Variants in CSMD1 observed in about 807,000 individuals in gnomAD.
The protein encoded by CSMD1 is CUB and sushi domain-containing protein 1.
A neutral mutation model predicts 417.5 loss-of-function variants in CSMD1; 213 were observed. That is an observed-to-expected ratio of 0.51 (90% CI 0.46 to 0.57). The LOEUF (loss-of-function observed/expected upper bound fraction) is 0.57, where lower values mean the gene tolerates loss of function less well. Ranked by LOEUF, CSMD1 falls within the 20% of genes least tolerant of loss-of-function variation. The pLI, the probability that CSMD1 is intolerant of heterozygous loss-of-function variation, is 0.00. For missense variants in CSMD1, 6,923 were observed against 4,529.7 expected, an observed-to-expected ratio of 1.53 and a Z score of -15.17; for synonymous variants, 2,862 against 1,736.8, an observed-to-expected ratio of 1.65 and a Z score of -16.11.
At chr8:3,771,221 G>A (rs60992656) in intron 5 of CSMD1, among the ~76,000 whole-genome samples, 2,081 of 152,174 alleles carry the variant, frequency 0.014, 39 homozygotes, top group African/African-American at 0.048. Flanking sequence ...AGCTACTTTG[G>A]GGTTTTGAAA....
At chr8:4,433,618 A>T (rs1434033149) in intron 2 of CSMD1, among the ~76,000 whole-genome samples, 1 of 152,178 alleles carries the variant, frequency 6.6e-6, no homozygotes, top group Non-Finnish European at 1.5e-5. Context: ...AATTTGATAA[A>T]GCCAGTTTTC....
intron 1 of CSMD1, among the ~76,000 whole-genome samples, chr8:4,829,161 T>A (rs953019808): frequency 6.6e-6 from 1 of 152,204 alleles, no homozygotes; most frequent in Non-Finnish European, 1.5e-5. Flanking sequence ...CCTGTTGCAA[T>A]TCCACAGCCA....
intron 3 of CSMD1, among the ~76,000 whole-genome samples, chr8:4,356,679 C>G (rs903720693): frequency 1.3e-5 from 2 of 152,142 alleles, no homozygotes; most frequent in African/African-American, 2.4e-5. Context: ...GTGAGGGCTT[C>G]TTTCCATGTG....
intron 26 of CSMD1, among the ~76,000 whole-genome samples, chr8:3,274,122 G>C (rs1206049133): frequency 6.6e-6 from 1 of 151,856 alleles, no homozygotes; most frequent in African/African-American, 2.4e-5. Flanking sequence ...ACTCTGGTAT[G>C]TTGTGTCTTT....
At chr8:3,498,239 T>G (rs369139468) in intron 10 of CSMD1, among the ~76,000 whole-genome samples, 197 of 152,314 alleles carry the variant, frequency 1.3e-3, no homozygotes, top group African/African-American at 4.5e-3. Flanking sequence ...CTTCTCTTTG[T>G]CTTTGAAGTT....
chr8:3,943,547 C>CA (rs1447481070), intron 5 of CSMD1, among the ~76,000 whole-genome samples: 4 of 151,262 alleles, frequency 2.6e-5, no homozygotes, highest in African/African-American at 9.7e-5. Flanking sequence ...AAGAATCTCT[C>CA]AAAAAATATG....
In CSMD1 at chr8:3,374,438, T is replaced by C. The variant is rs778104738; in HGVS notation, c.2783-5068A>G. 3.3e-5 allele frequency among the ~76,000 whole-genome samples: 5 copies of C among 152,192 alleles called. No individual in the cohort carries two copies. The South Asian group carries it at 6.2e-4, about 19-fold the overall frequency. ...AGTCCCTGTTTTTCCAAAGTTTACA[T>C]TCTAATGGGGAAGGCAAATAACTTG... On this transcript the variant is annotated intron_variant, in intron 18 of 69. Coordinates refer to ENST00000635120, the MANE Select transcript of CSMD1 (RefSeq NM_033225.6).
intron 5 of CSMD1, among the ~76,000 whole-genome samples, chr8:3,968,711 G>T (rs1183289907): frequency 6.6e-6 from 1 of 152,128 alleles, no homozygotes; most frequent in Non-Finnish European, 1.5e-5. Context: ...CAGGGTCTGT[G>T]TATTATCTAA....
chr8:4,076,716 A>C (rs929507629), intron 3 of CSMD1, among the ~76,000 whole-genome samples: 1 of 152,126 alleles, frequency 6.6e-6, no homozygotes, highest in African/African-American at 2.4e-5. Flanking sequence ...ACTGCTACTC[A>C]TCTCTGGCTC....
At chr8:4,409,711 A>ATT (rs1796542100) in intron 3 of CSMD1, among the ~76,000 whole-genome samples, 2 of 151,686 alleles carry the variant, frequency 1.3e-5, no homozygotes, top group African/African-American at 4.8e-5. Context: ...GAGAAGGTGG[A>ATT]CACAGGCTTC....
At chr8:3,476,788 G>C (rs1027905313) in intron 11 of CSMD1, among the ~76,000 whole-genome samples, 3 of 151,736 alleles carry the variant, frequency 2.0e-5, no homozygotes, top group Admixed American at 1.3e-4. Context: ...CTTGGTGGCA[G>C]ACATCTGTAA....
chr8:4,735,822 T>C (rs943367105), intron 1 of CSMD1, among the ~76,000 whole-genome samples: 7 of 152,192 alleles, frequency 4.6e-5, no homozygotes, highest in Non-Finnish European at 8.8e-5. Context: ...TCTTCAATGG[T>C]GGTTCTGGAA....
intron 39 of CSMD1, among the ~76,000 whole-genome samples, chr8:3,155,568 C>T (rs1819476136): frequency 2.0e-5 from 3 of 151,282 alleles, no homozygotes; most frequent in Non-Finnish European, 2.9e-5. Flanking sequence ...GGGATTTTAC[C>T]GTGTTAGCCA....
At chr8:3,505,820 A>G (rs1796800124) in intron 10 of CSMD1, among the ~76,000 whole-genome samples, 1 of 152,194 alleles carries the variant, frequency 6.6e-6, no homozygotes, top group African/African-American at 2.4e-5. Context: ...TGTCTCAGGT[A>G]TCGTATCAAC....
chr8:3,857,127 A>G (rs953115141), intron 5 of CSMD1, among the ~76,000 whole-genome samples: 4 of 152,194 alleles, frequency 2.6e-5, no homozygotes, highest in African/African-American at 9.6e-5. Flanking sequence ...AGTAACTAAG[A>G]CAAAGTTGTC....
At chr8:4,428,316 T>A (rs1214549050) in intron 2 of CSMD1, among the ~76,000 whole-genome samples, 1 of 152,098 alleles carries the variant, frequency 6.6e-6, no homozygotes, top group Non-Finnish European at 1.5e-5. Context: ...ATCTAACGAG[T>A]CCCAACACCT....
In CSMD1 at chr8:3,391,063, G is replaced by C. The variant is rs531676089; in HGVS notation, c.2594-3381C>G. Among the ~76,000 whole-genome samples the C allele has an allele frequency of 1.6e-4, 24 of 152,292 alleles. 1 individual carries two copies. In the South Asian group the frequency reaches 4.4e-3, roughly 28 times the overall value. Reference sequence around the variant, plus strand: ...TGCATCCATGCGTGTGCCTGTGAGTGTTAGCATGCATGGGCATGTTATATA... The same window carrying C: ...TGCATCCATGCGTGTGCCTGTGAGTCTTAGCATGCATGGGCATGTTATATA... On this transcript the variant is annotated intron_variant, in intron 17 of 69. Transcript: ENST00000635120.
chr8:3,317,664 G>A (rs373228842), intron 23 of CSMD1, among the ~76,000 whole-genome samples: 1 of 152,168 alleles, frequency 6.6e-6, no homozygotes, highest in Non-Finnish European at 1.5e-5. Context: ...CCAGCCTACA[G>A]TTATCTGGTT....
chr8:3,251,693 T>C (rs1442708739), intron 26 of CSMD1, among the ~76,000 whole-genome samples: 4 of 152,222 alleles, frequency 2.6e-5, no homozygotes, highest in African/African-American at 9.6e-5. Context: ...TTCCTACCCA[T>C]GAGCATGGAA....
Sources: allele counts gnomAD v4.1 joint callset (sites outside exome capture counted in the v4.1 genomes callset), GRCh38; gene constraint gnomAD v4.1.1; transcripts MANE v1.5; gene names NCBI Gene and HGNC (gene_info 2026-07-23, HGNC 2026-07-21).